PHLDB3: variants seen among roughly 807,000 people sequenced by gnomAD.
PHLDB3 encodes the protein pleckstrin homology-like domain family B member 3.
In PHLDB3, 86 loss-of-function variants were observed where a neutral mutation model predicts 85.7. The observed-to-expected ratio is 1.00, with a 90% CI of 0.84 to 1.20. The LOEUF (loss-of-function observed/expected upper bound fraction) is 1.20, where lower values mean the gene tolerates loss of function less well. Among genes scored for constraint, PHLDB3 ranks in the 50% most tolerant of loss-of-function variants. The probability of loss-of-function intolerance (pLI) is 0.00; values close to 1 mark genes in which losing one functional copy is unlikely to be tolerated. For synonymous variants in PHLDB3, 376 were observed against 349.8 expected (o/e 1.07, Z -0.83); for missense variants, 995 against 873.0 (o/e 1.14, Z -1.76).
In PHLDB3 at chr19:43,497,236, A is replaced by G; in HGVS notation, c.707T>C (p.Leu236Pro). ...LDVAQRAYED[L>P]EFQQLERESR... ...CTCCCGCTCCAGTTGCTGGAACTCC[A>G]GGTCCTCATAGGCACGTTGGGCCAC... is the stretch of plus-strand genomic sequence containing the variant. The change falls in exon 6 of 16, where the codon CTG becomes CCG. Residue 236 changes from leucine to proline, a missense_variant. Coordinates refer to ENST00000292140, the MANE Select transcript of PHLDB3 (RefSeq NM_198850.4). 6.6e-7 allele frequency: 1 copy of G among 1,523,962 alleles called. No individual in the cohort carries two copies. Among genetic ancestry groups the G allele is most frequent in the South Asian group, 1.3e-5 (1 of 77,548 alleles). The allele number at this position is 1,523,962 out of a possible 1,614,324, so 94.4% of individuals were successfully genotyped here.
Position 43,475,279 on chromosome 19 carries a change from C to T in PHLDB3, c.*131G>A, listed in dbSNP as rs1970898280. 2.3e-6 allele frequency: 3 copies of T among 1,296,256 alleles called. No homozygotes were observed. The highest frequency in any genetic ancestry group is 3.1e-6 in the Non-Finnish European group (3 of 959,604). 80.3% of individuals were successfully genotyped at this position (1,296,256 alleles called of 1,614,324 possible). A position where few individuals can be genotyped will look rare whatever the true frequency, so the allele number is the denominator to read the frequency against. ...GCTCAGGCCAGCTGAACTGCCGCGC[C>T]TGCGGAATTCCCGGGAGAGTTCCAA... On this transcript the variant is annotated 3_prime_UTR_variant, in exon 16 of 16. Transcript: ENST00000292140.
intron 13 of PHLDB3, 40 bp from the exon 14 acceptor site, chr19:43,479,633 G>C: frequency 2.1e-6 from 3 of 1,418,534 alleles, no homozygotes; most frequent in Non-Finnish European, 2.9e-6. Context: ...GTAAGGGGCG[G>C]GGGATTCTAC....
In PHLDB3 at chr19:43,489,977, A is replaced by G. The variant is rs1314394547; in HGVS notation, c.1150-2854T>C. Among the ~76,000 whole-genome samples the G allele has an allele frequency of 2.0e-5, 3 of 150,970 alleles. No individual in the cohort carries two copies. The East Asian group carries it at 5.9e-4, about 30-fold the overall frequency. On this transcript the variant is annotated intron_variant, in intron 9 of 15. Transcript: ENST00000292140. ...AGCCGAGATCACACCACTGCACTCCAGCCTGAGCGGCAGAGCAAGACTCTG... is the reference window on the plus strand; with the variant it reads ...AGCCGAGATCACACCACTGCACTCCGGCCTGAGCGGCAGAGCAAGACTCTG...
At chr19:43,504,171 C>A in intron 1 of PHLDB3, 39 bp from the exon 2 acceptor site, 1 of 1,509,732 alleles carries the variant, frequency 6.6e-7, no homozygotes, top group Non-Finnish European at 8.8e-7. Context: ...GGGGGCGGGG[C>A]CTAGGACGGC....
Position 43,478,039 on chromosome 19 carries a change from G to T in PHLDB3, c.1788+8C>A, listed in dbSNP as rs753611934. ...CTGGGAGGTCAGGGTGACATTGAGGGGCTTCACCTTGAAGGCACAGCGTAA... is the reference window on the plus strand; with the variant it reads ...CTGGGAGGTCAGGGTGACATTGAGGTGCTTCACCTTGAAGGCACAGCGTAA... On this transcript the variant is annotated splice_region_variant and intron_variant, in intron 15 of 15. Coordinates refer to ENST00000292140, the MANE Select transcript of PHLDB3 (RefSeq NM_198850.4). 14 of 1,605,456 alleles carry T rather than the reference G, an allele frequency of 8.7e-6. No homozygotes were observed. The Admixed American group carries it at 1.2e-4, about 13-fold the overall frequency.
At chr19:43,500,676 G>A (rs1022196921) in intron 4 of PHLDB3, among the ~76,000 whole-genome samples, 1 of 151,988 alleles carries the variant, frequency 6.6e-6, no homozygotes, top group Admixed American at 6.6e-5. Flanking sequence ...TTGCTCTATC[G>A]CCCAGGTTGG....
intron 15 of PHLDB3, among the ~76,000 whole-genome samples, chr19:43,476,606 T>A (rs1256116478): frequency 6.6e-6 from 1 of 151,260 alleles, no homozygotes; most frequent in Admixed American, 6.6e-5. Context: ...GAGGCTGCAG[T>A]GAGCTATGAT....
At chr19:43,493,266 GAAACT>G (rs1305343418) in intron 9 of PHLDB3, among the ~76,000 whole-genome samples, 1 of 138,784 alleles carries the variant, frequency 7.2e-6, no homozygotes, top group East Asian at 2.2e-4. Context: ...CAATAAGAGT[GAAACT>G]CTGTCTCAGA....
chr19:43,487,583 A>AAAAAAAAAAAAC (rs1971204571), intron 9 of PHLDB3, among the ~76,000 whole-genome samples: 2 of 148,142 alleles, frequency 1.4e-5, no homozygotes, highest in Non-Finnish European at 3.0e-5. Flanking sequence ...TCAAAAAAAA[A>AAAAAAAAAAAAC]AAAAAAAAAC....
intron 15 of PHLDB3, 26 bp from the exon 16 acceptor site, chr19:43,475,570 A>G (rs375125107): frequency 2.2e-5 from 36 of 1,613,480 alleles, no homozygotes; most frequent in Non-Finnish European, 2.9e-5. Context: ...AGTGAGGGTA[A>G]TTCAGACAAA....
intron 14 of PHLDB3, among the ~76,000 whole-genome samples, chr19:43,478,342 G>A (rs1970970364): frequency 1.3e-5 from 2 of 152,214 alleles, no homozygotes; most frequent in South Asian, 4.1e-4. Flanking sequence ...TTGGGGAGTG[G>A]GGTCTGTGGA....
Position 43,501,770 on chromosome 19 carries a change from C to T in PHLDB3, c.498G>A (p.Ala166=), listed in dbSNP as rs746488860. Residue 166 remains alanine, a synonymous_variant, in exon 4 of 16, where the codon GCG becomes GCA. Transcript: ENST00000292140. ...GCTGGCGGCCGCGCTGCTCCGAGGCCGCCTGCTGCTCCAGCAGCTCCCGCA... is the reference window on the plus strand; with the variant it reads ...GCTGGCGGCCGCGCTGCTCCGAGGCTGCCTGCTGCTCCAGCAGCTCCCGCA... ...EQLRELLEQQ[A]ASEQRGRQQR... is the part of the protein sequence containing the mutation. 5.7e-6 allele frequency: 9 copies of T among 1,583,164 alleles called. No homozygotes were observed. In the Admixed American group the frequency reaches 1.4e-4, roughly 25 times the overall value.
In PHLDB3 at chr19:43,478,001, A is replaced by G. The variant is rs201613938; in HGVS notation, c.1788+46T>C. The G allele has an allele frequency of 8.3e-4, 1,254 of 1,510,202 alleles. 12 individuals carry two copies. The African/African-American group carries it at 0.012, about 14-fold the overall frequency. The allele number at this position is 1,510,202 out of a possible 1,614,324, so 93.6% of individuals were successfully genotyped here. ...AGGGATGAGATAAGGCCTGACTCCA[A>G]CTGAGTCTCCAACTGGGAGGTCAGG... is the stretch of plus-strand genomic sequence containing the variant. On this transcript the variant is annotated intron_variant, in intron 15 of 15. Coordinates refer to ENST00000292140, the MANE Select transcript of PHLDB3 (RefSeq NM_198850.4).
intron 4 of PHLDB3, among the ~76,000 whole-genome samples, chr19:43,500,922 C>A (rs1156482206): frequency 8.4e-6 from 1 of 118,646 alleles, no homozygotes; most frequent in Non-Finnish European, 1.8e-5. Context: ...CCCCCCCCAC[C>A]CCGCAAGTAC....
At chr19:43,491,772 T>C (rs1469263400) in intron 9 of PHLDB3, among the ~76,000 whole-genome samples, 2 of 150,788 alleles carry the variant, frequency 1.3e-5, no homozygotes, top group Non-Finnish European at 2.9e-5. Flanking sequence ...GTTCAAGCAA[T>C]TCTCCTGCCA....
Position 43,479,582 on chromosome 19 carries a change from G to GGTGGC in PHLDB3, c.1496_1497insGCCAC (p.Pro504ThrfsTer39). ...TTCGCGGGCCTGGAGGGTGGGGTGG[G>GGTGGC]GTGGGTGGGGCCTGGGGAGCAAAGA... On this transcript the variant is annotated frameshift_variant, in exon 14 of 16. Coordinates refer to ENST00000292140, the MANE Select transcript of PHLDB3 (RefSeq NM_198850.4). LOFTEE classifies it high-confidence loss of function. 2 of 1,498,864 alleles carry GGTGGC rather than the reference G, an allele frequency of 1.3e-6. No individual in the cohort carries two copies. Among genetic ancestry groups the GGTGGC allele is most frequent in the Non-Finnish European group, 1.8e-6 (2 of 1,102,278 alleles). The allele number at this position is 1,498,864 out of a possible 1,614,324, so 92.8% of individuals were successfully genotyped here.
chr19:43,502,416 T>A, intron 2 of PHLDB3, 133 bp from the exon 3 acceptor site: 1 of 729,226 alleles, frequency 1.4e-6, no homozygotes, highest in Non-Finnish European at 2.1e-6. Flanking sequence ...CAACCACCAC[T>A]CCCATAATCT....
At chr19:43,485,432 T>G (rs1971133163) in intron 13 of PHLDB3, among the ~76,000 whole-genome samples, 1 of 151,484 alleles carries the variant, frequency 6.6e-6, no homozygotes, top group South Asian at 2.1e-4. Context: ...AGGCTGGTCT[T>G]GAACTCCTGA....
Position 43,487,118 on chromosome 19 carries a change from G to T in PHLDB3, c.1155C>A (p.Ser385=). The change falls in exon 10 of 16, where the codon TCC becomes TCA. Residue 385 remains serine, a synonymous_variant. Coordinates refer to ENST00000292140, the MANE Select transcript of PHLDB3 (RefSeq NM_198850.4). ...GGCTCCCAGTCCTCTGGAGGCCAAT[G>T]GAGCCCTGAAAACACAAAAGGCTCA... ...LFSVHSSLQG[S]IGLQRTGSLP... The T allele has an allele frequency of 6.4e-7, 1 of 1,559,288 alleles. No individual in the cohort carries two copies. The highest frequency in any genetic ancestry group is 8.7e-7 in the Non-Finnish European group (1 of 1,150,992).
Sources: gnomAD v4.1 joint callset for allele counts (sites outside exome capture counted in the v4.1 genomes callset) on GRCh38, gnomAD v4.1.1 for gene constraint, MANE v1.5 for transcripts, NCBI Gene and HGNC (gene_info 2026-07-23, HGNC 2026-07-21) for gene names.